The following SEC31A variants were observed in gnomAD, a reference collection of about 807,000 sequenced individuals.
SEC31A encodes protein transport protein Sec31A.
SEC31A carries 70 observed loss-of-function variants against 151.0 expected under a neutral mutation model. The ratio of observed to expected loss-of-function variants is 0.46; its 90% CI spans 0.38 to 0.57. The LOEUF (loss-of-function observed/expected upper bound fraction) is 0.57, where lower values mean the gene tolerates loss of function less well. SEC31A is among the 20% of genes least tolerant of loss of function. SEC31A has a pLI of 0.00. For missense variants in SEC31A, 1,330 were observed against 1,471.2 expected, an observed-to-expected ratio of 0.90 and a Z score of 1.57; for synonymous variants, 475 against 505.9, an observed-to-expected ratio of 0.94 and a Z score of 0.82.
chr4:82,889,472 A>G (rs932968854), intron 1 of SEC31A, among the ~76,000 whole-genome samples: 2 of 151,742 alleles, frequency 1.3e-5, no homozygotes, highest in African/African-American at 4.8e-5. Context: ...TCTTGAGCCC[A>G]AAAGTTCAAG....
Position 82,890,968 on chromosome 4 carries a change from A to T in SEC31A, c.-5+120T>A, listed in dbSNP as rs562827753. The T allele has an allele frequency of 1.4e-5, 20 of 1,466,216 alleles. 1 individual carries two copies. The South Asian group carries it at 2.4e-4, about 17-fold the overall frequency. 90.8% of individuals were successfully genotyped at this position (1,466,216 alleles called of 1,614,324 possible). A position where few individuals can be genotyped will look rare whatever the true frequency, so the allele number is the denominator to read the frequency against. ...GACTAGGGGCGCGCCGTCACCAGAG[A>T]CCGGGCCTCAGGCTGGTGCGGGGCA... On this transcript the variant is annotated intron_variant, in intron 1 of 26. Coordinates refer to ENST00000395310, the MANE Select transcript of SEC31A (RefSeq NM_001077207.4).
chr4:82,845,843 G>A (rs961564122), intron 20 of SEC31A, among the ~76,000 whole-genome samples: 10 of 152,056 alleles, frequency 6.6e-5, no homozygotes, highest in Non-Finnish European at 4.4e-5. Context: ...AGATCTTCCA[G>A]TCTAATCCCC....
intron 9 of SEC31A, 40 bp from the exon 10 acceptor site, chr4:82,867,000 C>A (rs964664385): frequency 5.0e-6 from 8 of 1,587,592 alleles, no homozygotes; most frequent in Non-Finnish European, 6.8e-6. Flanking sequence ...CGACCATACA[C>A]AAAGTTTCAT....
Position 82,821,084 on chromosome 4 carries a change from C to T in SEC31A, c.3436G>A (p.Ala1146Thr). The change falls in exon 26 of 27, where the codon GCC becomes ACC. Residue 1146 changes from alanine (A) to threonine (T), a missense_variant. Physicochemically the swap from Ala to Thr is moderately conservative, Grantham distance 58. Coordinates refer to ENST00000395310, the MANE Select transcript of SEC31A (RefSeq NM_001077207.4). The stretch of plus-strand genomic sequence containing the variant: ...TACAGAAACTCCAAACGTTTGCTGG[C>T]ATCATCTAGCTTCCTCTTGGTTTGC... ...DPQTKRKLDD[A>T]SKRLEFLYDK... The T allele has an allele frequency of 6.2e-7, 1 of 1,613,992 alleles. No homozygotes were observed. The highest frequency in any genetic ancestry group is 8.5e-7 in the Non-Finnish European group (1 of 1,179,902).
At chr4:82,838,550 C>T (rs974251064) in intron 22 of SEC31A, among the ~76,000 whole-genome samples, 2 of 152,182 alleles carry the variant, frequency 1.3e-5, no homozygotes, top group Admixed American at 6.5e-5. Flanking sequence ...TAATCTCCCT[C>T]GCGTACCACT....
chr4:82,884,850 T>A (rs918108444), intron 1 of SEC31A, among the ~76,000 whole-genome samples: 6 of 152,282 alleles, frequency 3.9e-5, no homozygotes, highest in African/African-American at 1.2e-4. Flanking sequence ...TTTGTTTAGA[T>A]CTCCTATATC....
At chr4:82,823,928 C>G (rs1242200667) in intron 25 of SEC31A, among the ~76,000 whole-genome samples, 2 of 152,222 alleles carry the variant, frequency 1.3e-5, no homozygotes, top group African/African-American at 4.8e-5. Flanking sequence ...TGGAGCCAGA[C>G]AGTCTGGGTT....
intron 23 of SEC31A, among the ~76,000 whole-genome samples, chr4:82,828,229 G>A (rs555529164): frequency 6.6e-6 from 1 of 152,210 alleles, no homozygotes; most frequent in South Asian, 2.1e-4. Context: ...CAGGTCTGGA[G>A]AACTGTATGT....
At chr4:82,837,687 T>C (rs1009349578) in intron 22 of SEC31A, among the ~76,000 whole-genome samples, 3 of 152,172 alleles carry the variant, frequency 2.0e-5, no homozygotes, top group Admixed American at 2.0e-4. Context: ...CACTGAATAC[T>C]ATGGAGTCCT....
At position 82,881,944 on chromosome 4, in the gene SEC31A, A is replaced by C; in HGVS notation, c.-4-4T>G. On this transcript the variant is annotated splice_region_variant and splice_polypyrimidine_tract_variant and intron_variant, in intron 1 of 26. Transcript: ENST00000395310. Reference sequence around the variant, plus strand: ...TACTTCCTTTAACTTCATCCTGCTAAAGGGAATATTTTATACAGAAACAGC... The same window carrying C: ...TACTTCCTTTAACTTCATCCTGCTACAGGGAATATTTTATACAGAAACAGC... The C allele has an allele frequency of 6.2e-7, 1 of 1,612,200 alleles. No individual in the cohort carries two copies. The highest frequency in any genetic ancestry group is 8.5e-7 in the Non-Finnish European group (1 of 1,178,252).
intron 18 of SEC31A, 134 bp downstream of exon 18, chr4:82,853,436 T>A (rs981946768): frequency 1.8e-5 from 13 of 729,446 alleles, no homozygotes; most frequent in Non-Finnish European, 2.7e-5. Context: ...AAGATAGCAA[T>A]AAATGCATAT....
chr4:82,852,217 C>T (rs1410431384), intron 18 of SEC31A, among the ~76,000 whole-genome samples: 1 of 152,122 alleles, frequency 6.6e-6, no homozygotes, highest in East Asian at 1.9e-4. Flanking sequence ...GTGAGGCCTC[C>T]CCAGTCATGT....
intron 14 of SEC31A, 82 bp downstream of exon 14, chr4:82,861,549 T>C (rs1734119153): frequency 1.2e-6 from 1 of 832,206 alleles, no homozygotes; most frequent in Non-Finnish European, 1.9e-6. Flanking sequence ...CCATAAGTAG[T>C]CAAGAAAATT....
Position 82,853,700 on chromosome 4 carries a change from C to G in SEC31A, c.2024G>C (p.Arg675Thr). 4 of 1,603,400 alleles carry G rather than the reference C, an allele frequency of 2.5e-6. No homozygotes were observed. Among genetic ancestry groups the G allele is most frequent in the African/African-American group, 1.3e-5 (1 of 74,282 alleles). ...GAGGCTATCTCCTTCATTTTCAAGC[C>G]TGGTTCCCAAAAGATCTGTAAGTAA... ...FSALCDLLGT[R>T]LENEGDSLLQ... is the part of the protein sequence containing the mutation. Residue 675 changes from arginine (R) to threonine (T), a missense_variant, in exon 18 of 27, where the codon AGG (arginine) becomes ACG (threonine). Arg to Thr is a moderately conservative substitution (Grantham distance 71). Transcript: ENST00000395310.
At position 82,870,337 on chromosome 4, in the gene SEC31A, T is replaced by G; in HGVS notation, c.870A>C (p.Pro290=). The G allele has an allele frequency of 1.2e-6, 2 of 1,613,494 alleles. No homozygotes were observed. The highest frequency in any genetic ancestry group is 1.7e-6 in the Non-Finnish European group (2 of 1,179,400). The part of the protein sequence containing the change: ...GKDAKILCSN[P]NTGEVLYELP... The stretch of plus-strand genomic sequence containing the variant: ...TTCCTGCCCATACCTCTCCTGTGTT[T>G]GGATTGGAGCAGAGAATCTTAGCAT... The change falls in exon 8 of 27, where the codon CCA becomes CCC. Residue 290 remains proline, a synonymous_variant. Coordinates refer to ENST00000395310, the MANE Select transcript of SEC31A (RefSeq NM_001077207.4).
chr4:82,876,316 G>C (rs762140124), intron 4 of SEC31A, among the ~76,000 whole-genome samples: 4 of 151,912 alleles, frequency 2.6e-5, no homozygotes, highest in Non-Finnish European at 5.9e-5. Context: ...CTCCATGTTG[G>C]TCAGGCTGGT....
intron 20 of SEC31A, among the ~76,000 whole-genome samples, chr4:82,847,509 T>C (rs1275335662): frequency 6.6e-6 from 1 of 152,222 alleles, no homozygotes; most frequent in Non-Finnish European, 1.5e-5. Flanking sequence ...CTTTTCCTAA[T>C]GTAGAGCTTG....
chr4:82,860,675 A>T (rs115712800), intron 14 of SEC31A, among the ~76,000 whole-genome samples: 6,420 of 151,620 alleles, frequency 0.042, 439 homozygotes, highest in African/African-American at 0.15. Flanking sequence ...GGGTCTCACT[A>T]TGTTGTCCAG....
intron 22 of SEC31A, among the ~76,000 whole-genome samples, chr4:82,837,404 GTTTT>G (rs568231535): frequency 6.6e-6 from 1 of 151,322 alleles, no homozygotes; most frequent in African/African-American, 2.4e-5. Context: ...AAGCAAGGAA[GTTTT>G]TTTTGTTGTT....
Sources: allele counts gnomAD v4.1 joint callset (sites outside exome capture counted in the v4.1 genomes callset), GRCh38; gene constraint gnomAD v4.1.1; transcripts MANE v1.5; gene names NCBI Gene and HGNC (gene_info 2026-07-23, HGNC 2026-07-21).